The following SIPA1L1 variants were observed in gnomAD, a reference collection of about 807,000 sequenced individuals.
SIPA1L1 encodes signal-induced proliferation-associated 1-like protein 1.
SIPA1L1 carries 26 observed loss-of-function variants against 162.7 expected under a neutral mutation model. That is an observed-to-expected ratio of 0.16 (90% confidence interval 0.12 to 0.22). The LOEUF is 0.22. Among genes scored for constraint, SIPA1L1 ranks in the 10% least tolerant of loss-of-function variants. SIPA1L1 has a pLI of 1.00. For missense variants in SIPA1L1, 1,874 were observed against 2,241.0 expected, an observed-to-expected ratio of 0.84 and a Z score of 3.31; for synonymous variants, 829 against 837.4, an observed-to-expected ratio of 0.99 and a Z score of 0.17.
intron 2 of SIPA1L1, chr14:71,413,903 A>C (rs1278509109): frequency 6.6e-6 from 1 of 152,188 alleles, no homozygotes; most frequent in Middle Eastern, 3.2e-3. Flanking sequence ...GTTTTTCAAA[A>C]TTTGGAAATA....
chr14:71,677,959 TC>T (rs2045382265), intron 12 of SIPA1L1, among the ~76,000 whole-genome samples: 1 of 152,228 alleles, frequency 6.6e-6, no homozygotes, highest in African/African-American at 2.4e-5. Context: ...CAATGTGGGC[TC>T]TTTTTTTGGT....
intron 22 of SIPA1L1, among the ~76,000 whole-genome samples, chr14:71,736,938 C>T (rs561169397): frequency 1.1e-4 from 17 of 152,348 alleles, no homozygotes; most frequent in Middle Eastern, 6.8e-3. Context: ...CACTGCTGCC[C>T]GGCCCCAGCC....
intron 14 of SIPA1L1, among the ~76,000 whole-genome samples, chr14:71,700,797 A>C (rs2082028185): frequency 6.6e-6 from 1 of 152,090 alleles, no homozygotes; most frequent in Non-Finnish European, 1.5e-5. Context: ...GATCAAGATC[A>C]TCCTGGCTAA....
At chr14:71,617,015 CA>C (rs2038915835) in intron 5 of SIPA1L1, among the ~76,000 whole-genome samples, 1 of 152,152 alleles carries the variant, frequency 6.6e-6, no homozygotes, top group Admixed American at 6.5e-5. Flanking sequence ...GAGTGTGACT[CA>C]CACTCTGATG....
At chr14:71,356,488 T>G (rs965707561) in intron 2 of SIPA1L1, among the ~76,000 whole-genome samples, 1 of 142,202 alleles carries the variant, frequency 7.0e-6, no homozygotes, top group African/African-American at 2.6e-5. Context: ...CCCAGCACTT[T>G]GGGAGGCCGT....
chr14:71,374,333 A>G (rs917303038), intron 2 of SIPA1L1, among the ~76,000 whole-genome samples: 3 of 151,946 alleles, frequency 2.0e-5, no homozygotes, highest in African/African-American at 7.3e-5. Context: ...TTATTTATAT[A>G]CTCTTATATG....
At chr14:71,396,102 T>C (rs1317654557) in intron 2 of SIPA1L1, among the ~76,000 whole-genome samples, 2 of 152,058 alleles carry the variant, frequency 1.3e-5, no homozygotes, top group Non-Finnish European at 2.9e-5. Context: ...TCTCCTTCTG[T>C]ATGCATGGTC....
At position 71,545,577 on chromosome 14, in the gene SIPA1L1, TTGTG is replaced by T. The variant is rs58582108; in HGVS notation, c.-303+16229_-303+16232del. The stretch of plus-strand genomic sequence containing the variant: ...CCTAAATTCAGTTGCTAGTTCTAAT[TTGTG>T]TGTGTGTGTGTGTGTGTGTGTAGTT... On this transcript the variant is annotated intron_variant, in intron 4 of 23. Transcript: ENST00000381232. Among the ~76,000 whole-genome samples, 93 of 148,726 alleles carry T rather than the reference TTGTG, an allele frequency of 6.3e-4. 1 individual carries two copies. The highest frequency in any genetic ancestry group is 1.6e-3 in the African/African-American group (65 of 40,696).
intron 2 of SIPA1L1, among the ~76,000 whole-genome samples, chr14:71,451,302 A>C (rs567205395): frequency 5.2e-4 from 79 of 152,188 alleles, no homozygotes; most frequent in African/African-American, 1.6e-3. Flanking sequence ...TTTCAGTTAG[A>C]TAGGAAGAAT....
rs998023600 is a variant in SIPA1L1, at chr14:71,681,815, G to C, written c.3105-3547G>C. On this transcript the variant is annotated intron_variant, in intron 12 of 23. Transcript: ENST00000381232. ...CAGGGTCTTAAGGAAAAAGGAGAGA[G>C]TTATGAGAAATAAAAGATAAAAGAG... is the stretch of plus-strand genomic sequence containing the variant. Among the ~76,000 whole-genome samples, 4 of 152,176 alleles carry C rather than the reference G, an allele frequency of 2.6e-5. No homozygotes were observed. The South Asian group carries it at 8.3e-4, about 32-fold the overall frequency.
At chr14:71,465,130 C>A (rs1224807383) in intron 2 of SIPA1L1, among the ~76,000 whole-genome samples, 1 of 152,212 alleles carries the variant, frequency 6.6e-6, no homozygotes, top group Admixed American at 6.5e-5. Context: ...TCAGAGTTCA[C>A]AAACTTAGTG....
At chr14:71,615,866 C>T (rs1028176023) in intron 5 of SIPA1L1, among the ~76,000 whole-genome samples, 3 of 152,186 alleles carry the variant, frequency 2.0e-5, no homozygotes, top group African/African-American at 7.2e-5. Flanking sequence ...CATGATGGTG[C>T]ACACCTGTAA....
rs1226010635 is a variant in SIPA1L1, at chr14:71,574,862, T to A, written c.-302-12709T>A. On this transcript the variant is annotated intron_variant, in intron 4 of 23. Coordinates refer to ENST00000381232, the MANE Select transcript of SIPA1L1 (RefSeq NM_001386936.1). Reference sequence around the variant, plus strand: ...CACTTAGAAATCAGAGATTTTTAAGTTTAGGGGATTAGATTAAAAATAATT... The same window carrying A: ...CACTTAGAAATCAGAGATTTTTAAGATTAGGGGATTAGATTAAAAATAATT... 9.9e-5 allele frequency: 15 copies of A among 152,134 alleles called. No individual in the cohort carries two copies. The East Asian group carries it at 2.9e-3, about 29-fold the overall frequency. The allele number at this position is 152,134 out of a possible 1,614,324, so 9.4% of individuals were successfully genotyped here. A position where few individuals can be genotyped will look rare whatever the true frequency, so the allele number is the denominator to read the frequency against.
chr14:71,400,853 T>C (rs1395409899), intron 2 of SIPA1L1: 2 of 152,192 alleles, frequency 1.3e-5, no homozygotes, highest in Non-Finnish European at 2.9e-5. Flanking sequence ...GATTCTGTGC[T>C]TCTGTTGGAG....
At chr14:71,607,240 C>T (rs905097579) in intron 5 of SIPA1L1, among the ~76,000 whole-genome samples, 2 of 151,230 alleles carry the variant, frequency 1.3e-5, no homozygotes, top group Admixed American at 6.6e-5. Context: ...GATAAACTTG[C>T]CCAGGTAATT....
chr14:71,408,659 C>T (rs1346278407), intron 2 of SIPA1L1, among the ~76,000 whole-genome samples: 2 of 152,108 alleles, frequency 1.3e-5, no homozygotes, highest in African/African-American at 2.4e-5. Flanking sequence ...TTTTTTTCCC[C>T]CCTGGTTTTG....
chr14:71,495,886 CAAAAAAAAAAAAAAAA>C lies in SIPA1L1; in HGVS notation c.-464-16845_-464-16830del, dbSNP rs61183823. The stretch of plus-strand genomic sequence containing the variant: ...GTAACATAGTGACACTCCATCTCTA[CAAAAAAAAAAAAAAAA>C]AAAAAAAAAAAGAAGAAGAAAGAAA... On this transcript the variant is annotated intron_variant, in intron 2 of 23. Transcript: ENST00000381232. 0.017 allele frequency among the ~76,000 whole-genome samples: 630 copies of C among 38,088 alleles called. 24 individuals carry two copies. The East Asian group carries it at 0.17, about 10-fold the overall frequency. 25.0% of individuals were successfully genotyped at this position (38,088 alleles called of 152,430 possible).
chr14:71,409,851 C>T (rs1315299540), intron 2 of SIPA1L1, among the ~76,000 whole-genome samples: 1 of 152,120 alleles, frequency 6.6e-6, no homozygotes, highest in Non-Finnish European at 1.5e-5. Flanking sequence ...TAAAACAAAA[C>T]AAAACTTTTC....
intron 7 of SIPA1L1, among the ~76,000 whole-genome samples, chr14:71,627,344 A>C (rs1596494854): frequency 6.6e-6 from 1 of 151,770 alleles, no homozygotes; most frequent in Non-Finnish European, 1.5e-5. Flanking sequence ...ATGGGGTTTC[A>C]TCACATTGGC....
Sources: allele counts gnomAD v4.1 joint callset (sites outside exome capture counted in the v4.1 genomes callset), GRCh38; gene constraint gnomAD v4.1.1; transcripts MANE v1.5; gene names NCBI Gene and HGNC (gene_info 2026-07-23, HGNC 2026-07-21).